Variants in ROBO2 observed in about 807,000 individuals in gnomAD.
ROBO2 encodes roundabout guidance receptor 2.
ROBO2 carries 53 observed loss-of-function variants against 160.8 expected under a neutral mutation model. That is an observed-to-expected ratio of 0.33 (90% CI 0.26 to 0.41). The LOEUF (loss-of-function observed/expected upper bound fraction) is 0.41. Among genes scored for constraint, ROBO2 ranks in the 10% least tolerant of loss-of-function variants. The pLI, the probability that ROBO2 is intolerant of heterozygous loss-of-function variation, is 1.00. For missense variants in ROBO2, 1,577 were observed against 1,722.4 expected, an observed-to-expected ratio of 0.92 and a Z score of 1.49; for synonymous variants, 664 against 611.7, an observed-to-expected ratio of 1.09 and a Z score of -1.26.
At chr3:77,366,867 G>A (rs936453906) in intron 2 of ROBO2, among the ~76,000 whole-genome samples, 28 of 149,578 alleles carry the variant, frequency 1.9e-4, no homozygotes, top group African/African-American at 5.1e-4. Context: ...GTTCTTTCAG[G>A]AATTAATAGT....
At chr3:76,537,604 C>T (rs1183145173) in intron 2 of ROBO2, among the ~76,000 whole-genome samples, 1 of 152,076 alleles carries the variant, frequency 6.6e-6, no homozygotes, top group African/African-American at 2.4e-5. Context: ...ATGTGGATCT[C>T]CTCATGGAGA....
chr3:77,296,445 A>T (rs1045357692), intron 2 of ROBO2, among the ~76,000 whole-genome samples: 1 of 152,186 alleles, frequency 6.6e-6, no homozygotes, highest in South Asian at 2.1e-4. Flanking sequence ...AGGCTAGGGC[A>T]CGAAGTCACA....
At chr3:77,635,512 A>T (rs1277528731) in intron 24 of ROBO2, among the ~76,000 whole-genome samples, 1 of 152,218 alleles carries the variant, frequency 6.6e-6, no homozygotes, top group Admixed American at 6.5e-5. Flanking sequence ...AGAGTGTCTT[A>T]GTCTGTCTGG....
At chr3:76,895,813 A>AT (rs1372980910) in intron 2 of ROBO2, among the ~76,000 whole-genome samples, 1 of 152,212 alleles carries the variant, frequency 6.6e-6, no homozygotes, top group Non-Finnish European at 1.5e-5. Context: ...AGAATAAGAC[A>AT]TTTTTTAAGT....
chr3:76,024,279 T>C (rs2066663531), intron 2 of ROBO2, among the ~76,000 whole-genome samples: 1 of 151,534 alleles, frequency 6.6e-6, no homozygotes, highest in Non-Finnish European at 1.5e-5. Context: ...GTTTTGTCTA[T>C]CGTTATGAAG....
chr3:77,198,129 A>T (rs1397853496), intron 2 of ROBO2, among the ~76,000 whole-genome samples: 1 of 152,198 alleles, frequency 6.6e-6, no homozygotes, highest in Non-Finnish European at 1.5e-5. Context: ...ATCGATTACT[A>T]CGGGCACAGT....
chr3:76,288,450 A>G (rs759191347), intron 2 of ROBO2, among the ~76,000 whole-genome samples: 17 of 151,722 alleles, frequency 1.1e-4, no homozygotes, highest in Non-Finnish European at 1.5e-5. Flanking sequence ...GCCCTTCCCC[A>G]TTAACAAAGG....
At chr3:76,755,125 T>C (rs2108291606) in intron 2 of ROBO2, among the ~76,000 whole-genome samples, 1 of 152,032 alleles carries the variant, frequency 6.6e-6, no homozygotes, top group African/African-American at 2.4e-5. Flanking sequence ...TGTCTTTTTC[T>C]TTTATACTCA....
intron 2 of ROBO2, among the ~76,000 whole-genome samples, chr3:76,829,668 T>TC (rs2066904630): frequency 6.8e-6 from 1 of 147,882 alleles, no homozygotes; most frequent in South Asian, 2.2e-4. Flanking sequence ...TCTTTTTTTT[T>TC]CTTTTTCTTT....
At chr3:77,203,768 G>A (rs1449597823) in intron 2 of ROBO2, among the ~76,000 whole-genome samples, 1 of 152,174 alleles carries the variant, frequency 6.6e-6, no homozygotes, top group African/African-American at 2.4e-5. Flanking sequence ...TGATTTAGCA[G>A]TATTTTCTCA....
chr3:77,251,951 TTTA>T (rs2090401606), intron 2 of ROBO2, among the ~76,000 whole-genome samples: 1 of 152,226 alleles, frequency 6.6e-6, no homozygotes, highest in Admixed American at 6.5e-5. Context: ...GACAGACTTT[TTTA>T]TTATTTACAT....
At chr3:77,643,613 C>T (rs376332688) in intron 24 of ROBO2, among the ~76,000 whole-genome samples, 3 of 152,034 alleles carry the variant, frequency 2.0e-5, no homozygotes, top group South Asian at 2.1e-4. Context: ...GCTTTATAAA[C>T]GCATTTTCTG....
chr3:77,130,996 A>G (rs923105867), intron 2 of ROBO2, among the ~76,000 whole-genome samples: 2 of 152,196 alleles, frequency 1.3e-5, no homozygotes, highest in African/African-American at 4.8e-5. Flanking sequence ...TTAGAGTATT[A>G]GAATTTCTTA....
intron 20 of ROBO2, among the ~76,000 whole-genome samples, chr3:77,607,257 C>T (rs1046459387): frequency 4.6e-5 from 7 of 152,128 alleles, no homozygotes; most frequent in South Asian, 2.1e-4. Context: ...GTCTATAAAA[C>T]GTATCTTCGC....
chr3:77,198,650 C>G (rs1290784935), intron 2 of ROBO2, among the ~76,000 whole-genome samples: 1 of 152,166 alleles, frequency 6.6e-6, no homozygotes, highest in East Asian at 1.9e-4. Context: ...CCCGTAATCC[C>G]AGCAGTTTGG....
At chr3:76,671,962 A>G (rs2092277559) in intron 2 of ROBO2, among the ~76,000 whole-genome samples, 1 of 152,114 alleles carries the variant, frequency 6.6e-6, no homozygotes, top group Non-Finnish European at 1.5e-5. Flanking sequence ...TGTACTGAAA[A>G]CAAGTGAATA....
At chr3:76,370,673 T>A (rs773017508) in intron 2 of ROBO2, among the ~76,000 whole-genome samples, 3 of 151,834 alleles carry the variant, frequency 2.0e-5, no homozygotes, top group Non-Finnish European at 4.4e-5. Context: ...CAATTAACAA[T>A]TAAAAATTAT....
At chr3:76,439,448 C>G (rs946245052) in intron 2 of ROBO2, among the ~76,000 whole-genome samples, 3 of 151,740 alleles carry the variant, frequency 2.0e-5, no homozygotes, top group Admixed American at 1.3e-4. Context: ...AGAGCTGAAT[C>G]GGGAAGATAA....
intron 2 of ROBO2, among the ~76,000 whole-genome samples, chr3:76,359,003 A>G (rs890214956): frequency 1.5e-5 from 2 of 137,302 alleles, no homozygotes; most frequent in African/African-American, 5.5e-5. Context: ...ATTCCCGCCT[A>G]TGAGTGAGAA....
Sources: gnomAD v4.1 joint callset for allele counts (sites outside exome capture counted in the v4.1 genomes callset) on GRCh38, gnomAD v4.1.1 for gene constraint, MANE v1.5 for transcripts, NCBI Gene and HGNC (gene_info 2026-07-23, HGNC 2026-07-21) for gene names.